GPR89B: variants seen among roughly 807,000 people sequenced by gnomAD.
GPR89B encodes the protein G protein-coupled receptor 89B.
Under a neutral mutation model 52.4 loss-of-function variants are expected in GPR89B, and 25 were observed. The observed-to-expected ratio is 0.48, with a 90% CI of 0.35 to 0.67. The LOEUF (loss-of-function observed/expected upper bound fraction) is 0.67. Ranked by LOEUF, GPR89B falls within the 30% of genes least tolerant of loss-of-function variation. The pLI, the probability that GPR89B is intolerant of heterozygous loss-of-function variation, is 0.01. For missense variants in GPR89B, 146 were observed against 450.2 expected, an observed-to-expected ratio of 0.32 and a Z score of 6.11; for synonymous variants, 52 against 151.2, an observed-to-expected ratio of 0.34 and a Z score of 4.81.
chr1:147,983,870 A>G (rs1411867674), intron 10 of GPR89B, among the ~76,000 whole-genome samples: 1 of 151,936 alleles, frequency 6.6e-6, no homozygotes, highest in South Asian at 2.1e-4. Context: ...ATAAAGACAC[A>G]TGCACACGTA....
intron 12 of GPR89B, among the ~76,000 whole-genome samples, chr1:147,991,136 T>G (rs1394634374): frequency 2.0e-5 from 3 of 150,926 alleles, no homozygotes; most frequent in Non-Finnish European, 2.9e-5. Flanking sequence ...AGCAGTGGTT[T>G]GTAGTTCTCC....
At chr1:147,939,766 G>A (rs1303751815) in intron 3 of GPR89B, among the ~76,000 whole-genome samples, 10 of 152,136 alleles carry the variant, frequency 6.6e-5, no homozygotes, top group Non-Finnish European at 1.3e-4. Flanking sequence ...GGGAGGCTGA[G>A]GCAGGAGGAT....
chr1:147,942,292 C>CA (rs1654620579), intron 3 of GPR89B, among the ~76,000 whole-genome samples: 1 of 145,290 alleles, frequency 6.9e-6, no homozygotes, highest in African/African-American at 2.6e-5. Flanking sequence ...ATGGCTATAA[C>CA]CAAAAAAAAA....
the GPR89B span, among the ~76,000 whole-genome samples, chr1:148,021,274 G>C: frequency 1.8e-4 from 27 of 151,472 alleles, no homozygotes; most frequent in African/African-American, 6.3e-4. Flanking sequence ...AGGCTGAGGC[G>C]GGCGGAGCAC....
chr1:148,010,445 C>T, the GPR89B span: 1 of 152,154 alleles, frequency 6.6e-6, no homozygotes, highest in African/African-American at 2.4e-5. Context: ...AGTGAACTTT[C>T]ACTCACTCTC....
At chr1:147,958,513 C>T (rs1421319962) in intron 7 of GPR89B, among the ~76,000 whole-genome samples, 5 of 64,640 alleles carry the variant, frequency 7.7e-5, no homozygotes, top group Admixed American at 2.0e-4. Context: ...GTGGTGCATG[C>T]CTGTAATCCC....
chr1:147,956,818 GCCTCCA>G (rs1482719548), intron 7 of GPR89B, among the ~76,000 whole-genome samples: 2 of 151,440 alleles, frequency 1.3e-5, no homozygotes, highest in Non-Finnish European at 2.9e-5. Flanking sequence ...GCTCACTGCA[GCCTCCA>G]CCTCCCAGAT....
At chr1:147,994,231 G>A, downstream of GPR89B, 1 of 1,601,716 alleles carries the variant, frequency 6.2e-7, no homozygotes, top group Non-Finnish European at 8.5e-7. Context: ...CTCATTCTTT[G>A]AGAAAGGATT....
chr1:147,998,064 A>G (rs1412316800), downstream of GPR89B, among the ~76,000 whole-genome samples: 2 of 151,868 alleles, frequency 1.3e-5, no homozygotes, highest in African/African-American at 4.8e-5. Context: ...AGGAAACAGG[A>G]TTGATTTTTT....
At chr1:147,929,686 T>C (rs751551158) in intron 1 of GPR89B, among the ~76,000 whole-genome samples, 1 of 152,198 alleles carries the variant, frequency 6.6e-6, no homozygotes, top group Non-Finnish European at 1.5e-5. Context: ...CTCGTCTCCG[T>C]AGAGCGGAGC....
At chr1:148,009,940 C>T in the GPR89B span, among the ~76,000 whole-genome samples, 8 of 151,810 alleles carry the variant, frequency 5.3e-5, no homozygotes, top group Admixed American at 2.6e-4. Context: ...AGAGGAGATT[C>T]GGACATGAGA....
intron 8 of GPR89B, chr1:147,968,011 G>A: frequency 3.1e-6 from 1 of 322,530 alleles, no homozygotes; most frequent in Non-Finnish European, 6.1e-6. Flanking sequence ...GGAAAAATCA[G>A]AGAGGAGGGA....
At chr1:147,954,693 A>T (rs1351915799) in intron 7 of GPR89B, among the ~76,000 whole-genome samples, 22 of 152,394 alleles carry the variant, frequency 1.4e-4, no homozygotes, top group African/African-American at 4.1e-4. Context: ...AAATTTTTTT[A>T]AAAAGATTTA....
intron 10 of GPR89B, among the ~76,000 whole-genome samples, chr1:147,975,854 G>T (rs1657793224): frequency 6.6e-6 from 1 of 152,180 alleles, no homozygotes; most frequent in South Asian, 2.1e-4. Flanking sequence ...CTGGTATGTT[G>T]TCTCTTTGTT....
chr1:147,985,464 T>C (rs1658597046), intron 10 of GPR89B, among the ~76,000 whole-genome samples: 1 of 151,942 alleles, frequency 6.6e-6, no homozygotes, highest in African/African-American at 2.4e-5. Context: ...CAGCAATCTA[T>C]AGCCCACAGG....
At chr1:147,980,042 C>T (rs1218264365) in intron 10 of GPR89B, among the ~76,000 whole-genome samples, 7 of 150,968 alleles carry the variant, frequency 4.6e-5, no homozygotes, top group Non-Finnish European at 8.8e-5. Context: ...GCTATTATCA[C>T]GCCGCTGCAC....
the GPR89B span, among the ~76,000 whole-genome samples, chr1:148,013,151 G>C: frequency 6.6e-6 from 1 of 152,032 alleles, no homozygotes; most frequent in Admixed American, 6.5e-5. Flanking sequence ...AACTTGGGGC[G>C]GGCGTGAGAG....
chr1:147,929,894 G>C (rs1653400677), intron 1 of GPR89B, among the ~76,000 whole-genome samples: 1 of 152,158 alleles, frequency 6.6e-6, no homozygotes, highest in Non-Finnish European at 1.5e-5. Flanking sequence ...ACCTAGACAT[G>C]TAACTCTTCT....
chr1:147,970,535 ATCTCTATCTCTCTC>A lies in GPR89B; in HGVS notation c.909+596_909+609del, dbSNP rs1449614519. ...TCTCTCTCTCTCTCTCTCTCTCTCTATCTCTATCTCTCTCTCTCTATCTCTCTCTCTCTCTATAT... is the reference window on the plus strand; with the variant it reads ...TCTCTCTCTCTCTCTCTCTCTCTCTATCTCTATCTCTCTCTCTCTCTATAT... On this transcript the variant is annotated intron_variant, in intron 10 of 13. Transcript: ENST00000314163. Among the ~76,000 whole-genome samples, 90 of 87,560 alleles carry A rather than the reference ATCTCTATCTCTCTC, an allele frequency of 1.0e-3. No homozygotes were observed. The Middle Eastern group carries it at 0.018, about 17-fold the overall frequency. The allele number at this position is 87,560 out of a possible 152,430, so 57.4% of individuals were successfully genotyped here.
Sources: gnomAD v4.1 joint callset for allele counts (sites outside exome capture counted in the v4.1 genomes callset) on GRCh38, gnomAD v4.1.1 for gene constraint, MANE v1.5 for transcripts, NCBI Gene and HGNC (gene_info 2026-07-23, HGNC 2026-07-21) for gene names.